The following KATNAL2 variants were observed in gnomAD, a reference collection of about 807,000 sequenced individuals.
The protein encoded by KATNAL2 is katanin catalytic subunit A1 like 2, also known as katanin p60 ATPase-containing subunit A-like 2.
Under a neutral mutation model 76.3 loss-of-function variants are expected in KATNAL2, and 52 were observed. That is an observed-to-expected ratio of 0.68 (90% confidence interval 0.55 to 0.86). KATNAL2 has a LOEUF of 0.86. Ranked by LOEUF, KATNAL2 falls within the 40% of genes least tolerant of loss-of-function variation. The pLI, the probability that KATNAL2 is intolerant of heterozygous loss-of-function variation, is 0.00. For synonymous variants in KATNAL2, 243 were observed against 244.2 expected (o/e 1.00, Z 0.05); for missense variants, 660 against 668.9 (o/e 0.99, Z 0.15).
rs2063435483 is a variant in KATNAL2, at chr18:47,101,316, T to C, written c.*311T>C. 4.0e-6 allele frequency: 1 copy of C among 252,750 alleles called. No individual in the cohort carries two copies. The highest frequency in any genetic ancestry group is 7.8e-6 in the Non-Finnish European group (1 of 127,392). 15.7% of individuals were successfully genotyped at this position (252,750 alleles called of 1,614,324 possible). A position where few individuals can be genotyped will look rare whatever the true frequency, so the allele number is the denominator to read the frequency against. ...AATTTTCTGTAATGTTACTCATTTG[T>C]AAACTTTTTAAGAAAAAGATGTACT... On this transcript the variant is annotated 3_prime_UTR_variant, in exon 18 of 18. Coordinates refer to ENST00000683218, the MANE Select transcript of KATNAL2 (RefSeq NM_001387690.1).
At chr18:47,077,756 C>A (rs192249139) in intron 15 of KATNAL2, among the ~76,000 whole-genome samples, 1 of 152,110 alleles carries the variant, frequency 6.6e-6, no homozygotes, top group Non-Finnish European at 1.5e-5. Context: ...TGGCATAGAA[C>A]TACAAAATGC....
chr18:47,050,164 A>C (rs2060418), intron 4 of KATNAL2, among the ~76,000 whole-genome samples: 68,497 of 151,696 alleles, frequency 0.45, 15,361 homozygotes, highest in Admixed American at 0.54. Context: ...GGCATGAACC[A>C]CCATGCCTGG....
chr18:46,952,401 T>TTG (rs1283028368), intron 3 of KATNAL2, among the ~76,000 whole-genome samples: 9 of 135,718 alleles, frequency 6.6e-5, no homozygotes, highest in African/African-American at 2.5e-4. Context: ...ATGTTTTTTT[T>TTG]TTTTTTTTTT....
At chr18:47,038,400 C>G (rs948067399) in intron 3 of KATNAL2, among the ~76,000 whole-genome samples, 1 of 152,168 alleles carries the variant, frequency 6.6e-6, no homozygotes, top group Non-Finnish European at 1.5e-5. Flanking sequence ...ATTAGGGTTG[C>G]TATGAAACTC....
At position 46,917,643 on chromosome 18, in the gene KATNAL2, T is replaced by A; in HGVS notation, c.-793T>A. 1.3e-6 allele frequency: 1 copy of A among 795,814 alleles called. No homozygotes were observed. The highest frequency in any genetic ancestry group is 1.5e-6 in the Non-Finnish European group (1 of 653,770). 49.3% of individuals were successfully genotyped at this position (795,814 alleles called of 1,614,324 possible). On this transcript the variant is annotated 5_prime_UTR_variant, in exon 1 of 18. Coordinates refer to ENST00000683218, the MANE Select transcript of KATNAL2 (RefSeq NM_001387690.1). ...GCGCCCGCCCGCGCCTGCCCCGGCGTGCTGCCCCGCGGCTTGGCCCCGCTC... is the reference window on the plus strand; with the variant it reads ...GCGCCCGCCCGCGCCTGCCCCGGCGAGCTGCCCCGCGGCTTGGCCCCGCTC...
At chr18:47,034,643 A>C (rs751657328) in intron 3 of KATNAL2, 25 of 1,613,872 alleles carry the variant, frequency 1.5e-5, no homozygotes, top group East Asian at 6.7e-5. Context: ...CAGCCTGGAC[A>C]CAGCAGAGGC....
In KATNAL2 at chr18:47,098,336, G is replaced by T. The variant is rs140964667; in HGVS notation, c.1212-907G>T. The T allele has an allele frequency of 0.014, 3,610 of 265,766 alleles. 49 individuals carry two copies. The highest frequency in any genetic ancestry group is 0.027 in the Middle Eastern group (18 of 666). The allele number at this position is 265,766 out of a possible 1,614,324, so 16.5% of individuals were successfully genotyped here. On this transcript the variant is annotated intron_variant, in intron 15 of 17. Coordinates refer to ENST00000683218, the MANE Select transcript of KATNAL2 (RefSeq NM_001387690.1). Reference sequence around the variant, plus strand: ...AGTTTCACATGGATGGGGAGCCTCAGAATCATGGCGGGGGGCAAAAGACAC... The same window carrying T: ...AGTTTCACATGGATGGGGAGCCTCATAATCATGGCGGGGGGCAAAAGACAC...
intron 17 of KATNAL2, 134 bp from the exon 18 acceptor site, chr18:47,100,732 C>A: frequency 8.8e-7 from 1 of 1,134,000 alleles, no homozygotes; most frequent in Non-Finnish European, 1.2e-6. Context: ...CCTCTTTAGT[C>A]TTGCCTTTTG....
chr18:47,046,907 C>T (rs1020609276), intron 4 of KATNAL2, among the ~76,000 whole-genome samples: 2 of 152,122 alleles, frequency 1.3e-5, no homozygotes, highest in Admixed American at 6.6e-5. Flanking sequence ...TGTGCACCAC[C>T]GATTCCTCCT....
chr18:46,954,326 C>CTT (rs57075892), intron 3 of KATNAL2, among the ~76,000 whole-genome samples: 24 of 121,122 alleles, frequency 2.0e-4, no homozygotes, highest in Admixed American at 3.5e-4. Flanking sequence ...TCTTCTTCGT[C>CTT]TTTTTTTTTT....
At chr18:46,951,986 T>G (rs2059571163) in intron 3 of KATNAL2, among the ~76,000 whole-genome samples, 1 of 152,098 alleles carries the variant, frequency 6.6e-6, no homozygotes. Flanking sequence ...TTGCCCAGGC[T>G]GGTCTCAACC....
At chr18:47,056,400 A>C (rs1362148596) in intron 6 of KATNAL2, among the ~76,000 whole-genome samples, 1 of 152,236 alleles carries the variant, frequency 6.6e-6, no homozygotes, top group Non-Finnish European at 1.5e-5. Context: ...AGTATGAGGA[A>C]CAATCTGGGA....
At chr18:46,936,642 A>T (rs917517495) in intron 1 of KATNAL2, among the ~76,000 whole-genome samples, 2 of 152,138 alleles carry the variant, frequency 1.3e-5, no homozygotes, top group African/African-American at 2.4e-5. Context: ...CTGAATGATG[A>T]TGAAAATACT....
intron 9 of KATNAL2, 73 bp downstream of exon 9, chr18:47,063,143 A>G: frequency 1.3e-6 from 2 of 1,487,586 alleles, no homozygotes; most frequent in Non-Finnish European, 1.9e-6. Flanking sequence ...TATAATTTTG[A>G]GTACAGTGAA....
At chr18:46,957,316 C>T (rs1019365388) in intron 3 of KATNAL2, among the ~76,000 whole-genome samples, 1 of 141,086 alleles carries the variant, frequency 7.1e-6, no homozygotes, top group African/African-American at 2.7e-5. Context: ...TGCAGTGGCG[C>T]GGTCTCGGCT....
At chr18:47,095,246 T>C (rs1390704271) in intron 15 of KATNAL2, among the ~76,000 whole-genome samples, 1 of 152,196 alleles carries the variant, frequency 6.6e-6, no homozygotes, top group African/African-American at 2.4e-5. Flanking sequence ...TTAAGTGCAG[T>C]CTTAGTTAAT....
In KATNAL2 at chr18:47,075,304, G is replaced by A. The variant is rs749928264; in HGVS notation, c.1036G>A (p.Ala346Thr). The A allele has an allele frequency of 1.3e-6, 2 of 1,560,354 alleles. No individual in the cohort carries two copies. The highest frequency in any genetic ancestry group is 2.5e-5 in the East Asian group (1 of 40,114). Residue 346 changes from alanine (A) to threonine (T), a missense_variant, in exon 14 of 18, where the codon GCC becomes ACC. Ala to Thr is a moderately conservative substitution (Grantham distance 58). Transcript: ENST00000683218. ...GTTATTTGAGCTTGCCCGCTACCAC[G>A]CCCCATCCACGATCTTCCTGGACGA... ...RVLFELARYH[A>T]PSTIFLDELE...
intron 4 of KATNAL2, among the ~76,000 whole-genome samples, chr18:47,051,473 A>G (rs1197477577): frequency 6.6e-6 from 1 of 151,884 alleles, no homozygotes; most frequent in Non-Finnish European, 1.5e-5. Context: ...AAAACAGAGG[A>G]AATGTTAGTC....
intron 3 of KATNAL2, among the ~76,000 whole-genome samples, chr18:47,038,767 A>C (rs1000344961): frequency 6.6e-6 from 1 of 152,254 alleles, no homozygotes; most frequent in Admixed American, 6.5e-5. Context: ...AAACTGAAGA[A>C]GTATAGACAA....
Sources: gnomAD v4.1 joint callset for allele counts (sites outside exome capture counted in the v4.1 genomes callset) on GRCh38, gnomAD v4.1.1 for gene constraint, MANE v1.5 for transcripts, NCBI Gene and HGNC (gene_info 2026-07-23, HGNC 2026-07-21) for gene names.